Variants in RPL31 observed in about 807,000 individuals in gnomAD.
RPL31 encodes large ribosomal subunit protein eL31.
For missense variants in RPL31, 95 were observed against 164.0 expected (o/e 0.58, Z 2.30); for synonymous variants, 51 against 55.0 (o/e 0.93, Z 0.32).
At chr2:101,018,935 A>G in intron 4 of RPL31, 2 of 1,583,632 alleles carry the variant, frequency 1.3e-6, no homozygotes, top group Non-Finnish European at 8.6e-7. Flanking sequence ...AATCTTCTGG[A>G]ATGCTCTTCG....
downstream of RPL31, chr2:101,011,337 T>C (rs533613449): frequency 5.1e-5 from 56 of 1,103,488 alleles, no homozygotes; most frequent in African/African-American, 2.6e-4. Flanking sequence ...GGATAATTCA[T>C]TGGACGAAGG....
At chr2:101,013,209 G>A (rs1236546232) in intron 4 of RPL31, among the ~76,000 whole-genome samples, 4 of 152,164 alleles carry the variant, frequency 2.6e-5, no homozygotes, top group East Asian at 1.9e-4. Context: ...AACCTCTGCC[G>A]TCACAGCATA....
At chr2:101,017,313 T>C (rs1007295325) in intron 4 of RPL31, among the ~76,000 whole-genome samples, 2 of 152,188 alleles carry the variant, frequency 1.3e-5, no homozygotes, top group African/African-American at 2.4e-5. Flanking sequence ...AAAATAATGA[T>C]AAATAGTATA....
downstream of RPL31, chr2:101,007,883 T>G (rs776084703): frequency 9.3e-6 from 15 of 1,613,918 alleles, no homozygotes; most frequent in Admixed American, 2.3e-4. Flanking sequence ...GTTTTGAGAT[T>G]GTACTGATTG....
At position 101,007,082 on chromosome 2, in the gene RPL31, A is replaced by G. The variant is rs1280773712; in HGVS notation, c.*701A>G. The G allele has an allele frequency of 6.6e-6, 1 of 152,282 alleles. No individual in the cohort carries two copies. Among genetic ancestry groups the G allele is most frequent in the Non-Finnish European group, 1.5e-5 (1 of 68,108 alleles). 9.4% of individuals were successfully genotyped at this position (152,282 alleles called of 1,614,324 possible). On this transcript the variant is annotated 3_prime_UTR_variant, in exon 5 of 5. Coordinates refer to ENST00000264258, the MANE Select transcript of RPL31 (RefSeq NM_000993.5). ...AGAGGTCTCTGAAGCCGTAGGGCACACCCAAGGCAGGGCTGAGAAGTACCT... is the reference window on the plus strand; with the variant it reads ...AGAGGTCTCTGAAGCCGTAGGGCACGCCCAAGGCAGGGCTGAGAAGTACCT...
In RPL31 at chr2:101,004,154, G is replaced by A. The variant is rs770287463; in HGVS notation, c.108-4G>A. On this transcript the variant is annotated splice_region_variant and splice_polypyrimidine_tract_variant and intron_variant, in intron 2 of 4. Coordinates refer to ENST00000264258, the MANE Select transcript of RPL31 (RefSeq NM_000993.5). ...TAATTTGTTCACTTATGTTTGAATCGTAGGGGCTTCAAGAAGCGTGCACCT... is the reference window on the plus strand; with the variant it reads ...TAATTTGTTCACTTATGTTTGAATCATAGGGGCTTCAAGAAGCGTGCACCT... 1.5e-5 allele frequency: 24 copies of A among 1,613,018 alleles called. No homozygotes were observed. The highest frequency in any genetic ancestry group is 5.5e-5 in the South Asian group (5 of 90,876).
downstream of RPL31, among the ~76,000 whole-genome samples, chr2:101,011,741 T>C (rs889253051): frequency 6.6e-6 from 1 of 152,206 alleles, no homozygotes; most frequent in Admixed American, 6.5e-5. Context: ...CCACACCAAG[T>C]GTGCCTTTTC....
chr2:101,019,214 C>G, exon 5 of RPL31: 1 of 644,690 alleles, frequency 1.6e-6, no homozygotes, highest in South Asian at 3.0e-5. Flanking sequence ...CTGATGTCTT[C>G]TGCCCTTGCC....
chr2:101,011,336 A>C, downstream of RPL31: 2 of 1,100,728 alleles, frequency 1.8e-6, no homozygotes, highest in South Asian at 2.7e-5. Context: ...GGGATAATTC[A>C]TTGGACGAAG....
chr2:101,011,185 G>A (rs953033479), downstream of RPL31: 2 of 742,804 alleles, frequency 2.7e-6, no homozygotes, highest in African/African-American at 1.8e-5. Context: ...GAGCCAGTGG[G>A]TGGTAACTGG....
At chr2:101,018,538 G>A (rs1679823145) in intron 4 of RPL31, among the ~76,000 whole-genome samples, 1 of 152,174 alleles carries the variant, frequency 6.6e-6, no homozygotes, top group African/African-American at 2.4e-5. Context: ...TGAACACAAA[G>A]ACTGGAGCAG....
chr2:101,005,901 G>A, intron 3 of RPL31, 58 bp from the exon 4 acceptor site: 3 of 1,430,264 alleles, frequency 2.1e-6, no homozygotes, highest in Non-Finnish European at 2.9e-6. Context: ...AATACAGCTA[G>A]TGGCTGCTTG....
At chr2:101,010,868 C>T (rs911668362), downstream of RPL31, 60 of 1,401,930 alleles carry the variant, frequency 4.3e-5, no homozygotes, top group South Asian at 3.5e-4. Context: ...GGCGACAGAG[C>T]GAGACTCCAT....
At chr2:101,011,675 C>G (rs912994367), downstream of RPL31, 12 of 798,650 alleles carry the variant, frequency 1.5e-5, no homozygotes. Context: ...GCAGGGTCCA[C>G]GAACCCAAAT....
chr2:101,007,882 T>C (rs1322321498), downstream of RPL31: 1 of 1,614,016 alleles, frequency 6.2e-7, no homozygotes, highest in Non-Finnish European at 8.5e-7. Context: ...AGTTTTGAGA[T>C]TGTACTGATT....
downstream of RPL31, chr2:101,008,245 A>AGAG: frequency 6.4e-7 from 1 of 1,559,412 alleles, no homozygotes; most frequent in Non-Finnish European, 8.7e-7. Flanking sequence ...CATACTGTAC[A>AGAG]GAGTTTTACA....
intron 4 of RPL31, among the ~76,000 whole-genome samples, chr2:101,013,093 C>G (rs1237457309): frequency 6.6e-6 from 1 of 152,154 alleles, no homozygotes; most frequent in East Asian, 1.9e-4. Context: ...CATAGAAAGG[C>G]AGCAATTAAT....
intron 4 of RPL31, among the ~76,000 whole-genome samples, chr2:101,018,544 A>G (rs937163036): frequency 6.6e-6 from 1 of 152,210 alleles, no homozygotes; most frequent in Non-Finnish European, 1.5e-5. Flanking sequence ...CAAAGACTGG[A>G]GCAGCTTCAA....
At chr2:101,010,700 T>C (rs530908758), downstream of RPL31, among the ~76,000 whole-genome samples, 1 of 152,052 alleles carries the variant, frequency 6.6e-6, no homozygotes, top group Non-Finnish European at 1.5e-5. Flanking sequence ...CTGACCAACA[T>C]GGTGAAACCC....
Sources: gnomAD v4.1 joint callset for allele counts (sites outside exome capture counted in the v4.1 genomes callset) on GRCh38, gnomAD v4.1.1 for gene constraint, MANE v1.5 for transcripts, NCBI Gene and HGNC (gene_info 2026-07-23, HGNC 2026-07-21) for gene names.